TPD52: variants seen among roughly 807,000 people sequenced by gnomAD.
TPD52 encodes the protein prostate and colon associated protein.
TPD52 carries 17 observed loss-of-function variants against 31.3 expected under a neutral mutation model. That is an observed-to-expected ratio of 0.54 (90% CI 0.37 to 0.82). The LOEUF (loss-of-function observed/expected upper bound fraction) is 0.82. TPD52 is among the 40% of genes least tolerant of loss of function. The pLI is 0.00. For missense variants in TPD52, 212 were observed against 240.1 expected (o/e 0.88, Z 0.77); for synonymous variants, 83 against 89.6 (o/e 0.93, Z 0.42).
intron 1 of TPD52, among the ~76,000 whole-genome samples, chr8:80,107,977 G>GCA (rs1807248497): frequency 6.6e-6 from 1 of 152,112 alleles, no homozygotes; most frequent in Non-Finnish European, 1.5e-5. Flanking sequence ...TGATCTTGAT[G>GCA]CACGTCAGTC....
At chr8:80,167,827 G>C (rs1161376721) in intron 1 of TPD52, among the ~76,000 whole-genome samples, 1 of 152,022 alleles carries the variant, frequency 6.6e-6, no homozygotes, top group Admixed American at 6.6e-5. Context: ...GTTTTGCTTT[G>C]TTTAAATTCA....
chr8:80,143,114 T>C (rs918344753), intron 1 of TPD52, among the ~76,000 whole-genome samples: 22 of 152,336 alleles, frequency 1.4e-4, no homozygotes, highest in Middle Eastern at 3.4e-3. Flanking sequence ...ACCTACTTCA[T>C]GGACTCTCAC....
chr8:80,040,519 T>G (rs949263439), intron 7 of TPD52, among the ~76,000 whole-genome samples: 1 of 152,336 alleles, frequency 6.6e-6, no homozygotes, highest in Non-Finnish European at 1.5e-5. Flanking sequence ...AATTACACTT[T>G]TTAATCTGAA....
In TPD52 at chr8:80,041,333, GTTTT is replaced by G. The variant is rs369772469; in HGVS notation, c.504+1283_504+1286del. Among the ~76,000 whole-genome samples the G allele has an allele frequency of 3.5e-4, 53 of 152,244 alleles. No individual in the cohort carries two copies. The East Asian group carries it at 8.9e-3, about 25-fold the overall frequency. ...AAAAAGATCCAGATCACTGTAGAGT[GTTTT>G]ATTTCAATAAATGTACCCTGCTTTT... On this transcript the variant is annotated intron_variant, in intron 7 of 7. Coordinates refer to ENST00000518937, the MANE Select transcript of TPD52 (RefSeq NM_001025253.3).
At chr8:80,116,127 C>T (rs1367485241) in intron 1 of TPD52, among the ~76,000 whole-genome samples, 2 of 152,128 alleles carry the variant, frequency 1.3e-5, no homozygotes, top group East Asian at 3.8e-4. Flanking sequence ...CTCAGAAACA[C>T]ACTATCACCA....
rs536792872 is a variant in TPD52 at position 80,059,866 on chromosome 8, A to C, written c.135+4612T>G. ...GAGGCTCCATCTCAAAACAAACAAA[A>C]AAAAAGAAGTTCAAGACCAGCCTGG... On this transcript the variant is annotated intron_variant, in intron 2 of 7. Coordinates refer to ENST00000518937, the MANE Select transcript of TPD52 (RefSeq NM_001025253.3). 1.6e-4 allele frequency among the ~76,000 whole-genome samples: 24 copies of C among 152,168 alleles called. No homozygotes were observed. In the East Asian group the frequency reaches 3.1e-3, roughly 20 times the overall value.
chr8:80,153,294 C>T (rs1014670620), intron 1 of TPD52, among the ~76,000 whole-genome samples: 3 of 152,210 alleles, frequency 2.0e-5, no homozygotes, highest in African/African-American at 2.4e-5. Flanking sequence ...TTCCAAGACA[C>T]GGGGCCCGCA....
Position 80,132,857 on chromosome 8 carries a change from G to A in TPD52, c.19+38568C>T, listed in dbSNP as rs945478109. Among the ~76,000 whole-genome samples, 5 of 152,150 alleles carry A rather than the reference G, an allele frequency of 3.3e-5. No homozygotes were observed. The South Asian group carries it at 6.2e-4, about 19-fold the overall frequency. On this transcript the variant is annotated intron_variant, in intron 1 of 7. Coordinates refer to ENST00000518937, the MANE Select transcript of TPD52 (RefSeq NM_001025253.3). ...GCCTGACACTGTACCACATGAGGAC[G>A]TTCTTCCAATGGCTGGAAGAAAGGA... is the stretch of plus-strand genomic sequence containing the variant.
rs754860651 is a variant in TPD52, at chr8:80,037,549, T to G, written c.*567A>C. 2.0e-5 allele frequency: 3 copies of G among 152,258 alleles called. No individual in the cohort carries two copies. Among genetic ancestry groups the G allele is most frequent in the Non-Finnish European group, 2.9e-5 (2 of 68,054 alleles). The allele number at this position is 152,258 out of a possible 1,614,324, so 9.4% of individuals were successfully genotyped here. On this transcript the variant is annotated 3_prime_UTR_variant, in exon 8 of 8. Coordinates refer to ENST00000518937, the MANE Select transcript of TPD52 (RefSeq NM_001025253.3). ...ATAAATTGGATGCACAGCTGTTTAC[T>G]TCAGTCTGGTGTCTTCAACCAAAAT...
chr8:80,072,379 G>GTGTGTATATA, intron 1 of TPD52, among the ~76,000 whole-genome samples: 1 of 143,154 alleles, frequency 7.0e-6, no homozygotes, highest in Admixed American at 7.0e-5. Context: ...ACATAGATAT[G>GTGTGTATATA]CGTGTATATA....
At chr8:80,128,494 CAAAAAA>C (rs3053828) in intron 1 of TPD52, among the ~76,000 whole-genome samples, 1 of 83,152 alleles carries the variant, frequency 1.2e-5, no homozygotes, top group Admixed American at 1.6e-4. Context: ...CCTGTCTCTA[CAAAAAA>C]AAAAAAAAAA....
chr8:80,077,988 AAGG>A (rs545464240), intron 1 of TPD52, among the ~76,000 whole-genome samples: 207 of 152,370 alleles, frequency 1.4e-3, no homozygotes, highest in Non-Finnish European at 2.2e-3. Flanking sequence ...CACATATAGT[AAGG>A]AGAAGTTCTG....
intron 1 of TPD52, among the ~76,000 whole-genome samples, chr8:80,168,741 G>A (rs750385661): frequency 6.6e-6 from 1 of 152,172 alleles, no homozygotes; most frequent in Non-Finnish European, 1.5e-5. Context: ...CAACTCTCTG[G>A]CTAAGTTCTG....
chr8:80,154,255 GT>G (rs1227701183), intron 1 of TPD52, among the ~76,000 whole-genome samples: 4 of 152,234 alleles, frequency 2.6e-5, no homozygotes, highest in Non-Finnish European at 5.9e-5. Context: ...GGGCCCTGTT[GT>G]CCCCCATGGG....
rs931399818 is a variant in TPD52, at chr8:80,048,067, T to C, written c.413+2378A>G. ...TACTTTCACATAGGCATAGAACATA[T>C]GCAAACAGAGGGGAAATATAAGCAT... On this transcript the variant is annotated intron_variant, in intron 5 of 7. Transcript: ENST00000518937. Among the ~76,000 whole-genome samples, 3 of 152,148 alleles carry C rather than the reference T, an allele frequency of 2.0e-5. No individual in the cohort carries two copies. The South Asian group carries it at 6.2e-4, about 32-fold the overall frequency.
chr8:80,102,184 G>A (rs1337104113), intron 1 of TPD52, among the ~76,000 whole-genome samples: 1 of 152,234 alleles, frequency 6.6e-6, no homozygotes, highest in Admixed American at 6.5e-5. Context: ...TTAGCTGAGT[G>A]GTTCTGGCTC....
intron 1 of TPD52, chr8:80,067,292 T>C (rs1813265503): frequency 6.6e-6 from 1 of 152,306 alleles, no homozygotes; most frequent in Non-Finnish European, 1.5e-5. Flanking sequence ...AATGACATGT[T>C]CTGCTCTTTC....
intron 1 of TPD52, among the ~76,000 whole-genome samples, chr8:80,066,536 C>G (rs1046475021): frequency 6.6e-5 from 10 of 152,112 alleles, no homozygotes; most frequent in African/African-American, 2.4e-4. Flanking sequence ...ACAGACTGCC[C>G]AAATAATATT....
chr8:80,065,130 A>C (rs1563588605), intron 1 of TPD52, among the ~76,000 whole-genome samples: 2 of 151,810 alleles, frequency 1.3e-5, no homozygotes, highest in Non-Finnish European at 2.9e-5. Context: ...ATCTTCTTGT[A>C]AGTTCTTTTT....
Sources: gnomAD v4.1 joint callset for allele counts (sites outside exome capture counted in the v4.1 genomes callset) on GRCh38, gnomAD v4.1.1 for gene constraint, MANE v1.5 for transcripts, NCBI Gene and HGNC (gene_info 2026-07-23, HGNC 2026-07-21) for gene names.